The following STON1 variants were observed in gnomAD, a reference collection of about 807,000 sequenced individuals.
The protein encoded by STON1 is stonin-1.
In STON1, 79 loss-of-function variants were observed where a neutral mutation model predicts 60.9. The ratio of observed to expected loss-of-function variants is 1.30; its 90% CI spans 1.08 to 1.56. The LOEUF (loss-of-function observed/expected upper bound fraction) is 1.56. Ranked by LOEUF, STON1 falls within the 40% of genes most tolerant of loss-of-function variation. The pLI is 0.00. For missense variants in STON1, 1,166 were observed against 858.9 expected, an observed-to-expected ratio of 1.36 and a Z score of -4.47; for synonymous variants, 363 against 306.9, an observed-to-expected ratio of 1.18 and a Z score of -1.91.
chr2:48,545,962 A>G (rs1435013580), intron 1 of STON1, among the ~76,000 whole-genome samples: 3 of 152,140 alleles, frequency 2.0e-5, no homozygotes, highest in Non-Finnish European at 2.9e-5. Context: ...CTTTGGGGAA[A>G]TTTCCCCATG....
chr2:48,569,485 A>C (rs892043017), intron 1 of STON1, among the ~76,000 whole-genome samples: 5 of 152,234 alleles, frequency 3.3e-5, no homozygotes, highest in African/African-American at 1.2e-4. Flanking sequence ...TAATTTGTGG[A>C]AAAGTGAAAA....
intron 3 of STON1, among the ~76,000 whole-genome samples, chr2:48,592,287 T>C (rs1674565014): frequency 2.6e-5 from 4 of 152,154 alleles, no homozygotes; most frequent in Admixed American, 2.6e-4. Context: ...TTGTTAAACT[T>C]AGTTAACCCA....
intron 1 of STON1, among the ~76,000 whole-genome samples, chr2:48,564,461 CTTCTTCTTCTTCTTCTTCT>C (rs1672766649): frequency 1.3e-4 from 7 of 54,466 alleles, no homozygotes; most frequent in African/African-American, 4.2e-4. Context: ...TCTTCTTCTT[CTTCTTCTTCTTCTTCTTCT>C]TTCTTCTTCT....
At chr2:48,551,366 A>G (rs1345580979) in intron 1 of STON1, among the ~76,000 whole-genome samples, 1 of 152,188 alleles carries the variant, frequency 6.6e-6, no homozygotes, top group Non-Finnish European at 1.5e-5. Context: ...GGGGTATGCA[A>G]TTGAGCTCAT....
chr2:48,547,361 AGG>A (rs144961705), intron 1 of STON1, among the ~76,000 whole-genome samples: 1,567 of 152,368 alleles, frequency 0.01, 16 homozygotes, highest in African/African-American at 0.021. Context: ...TGTTCATGAC[AGG>A]CCCTTAGCAC....
chr2:48,564,511 T>C (rs1302302011), intron 1 of STON1, among the ~76,000 whole-genome samples: 10 of 31,188 alleles, frequency 3.2e-4, no homozygotes, highest in Non-Finnish European at 4.3e-4. Flanking sequence ...CTTCTTCTTC[T>C]TCTTCTTCTT....
intron 1 of STON1, among the ~76,000 whole-genome samples, chr2:48,538,021 T>G (rs1338263248): frequency 6.6e-6 from 1 of 151,924 alleles, no homozygotes; most frequent in Non-Finnish European, 1.5e-5. Flanking sequence ...TGGCATGATC[T>G]TGGCTCACTG....
chr2:48,536,095 A>C (rs576762016), intron 1 of STON1, among the ~76,000 whole-genome samples: 2 of 151,834 alleles, frequency 1.3e-5, no homozygotes, highest in South Asian at 4.2e-4. Flanking sequence ...TCAAAAAATA[A>C]ATCAAAAAAC....
At chr2:48,587,201 C>T (rs968178042) in intron 2 of STON1, among the ~76,000 whole-genome samples, 9 of 152,342 alleles carry the variant, frequency 5.9e-5, no homozygotes, top group South Asian at 4.1e-4. Context: ...GAACTACTGA[C>T]GTGATCCCCT....
chr2:48,536,753 TACTG>T (rs1242472625), intron 1 of STON1, among the ~76,000 whole-genome samples: 3 of 152,220 alleles, frequency 2.0e-5, no homozygotes, highest in Non-Finnish European at 4.4e-5. Flanking sequence ...ATTCAATTAA[TACTG>T]ACATCTTTAC....
intron 1 of STON1, chr2:48,531,813 A>G (rs1424514088): frequency 6.6e-6 from 1 of 152,234 alleles, no homozygotes; most frequent in Non-Finnish European, 1.5e-5. Flanking sequence ...CCATACAAAC[A>G]ATAAATGTGG....
chr2:48,580,851 C>T lies in STON1; in HGVS notation c.218C>T (p.Pro73Leu). 1.3e-6 allele frequency: 2 copies of T among 1,559,810 alleles called. No homozygotes were observed. The highest frequency in any genetic ancestry group is 2.3e-5 in the East Asian group (1 of 43,914). ...SSPIVDFYFS[P>L]GPPSNSPLST... ...CCCATTGTAGATTTTTATTTCAGTCCAGGACCTCCAAGTAACTCTCCTCTT... is the reference window on the plus strand; with the variant it reads ...CCCATTGTAGATTTTTATTTCAGTCTAGGACCTCCAAGTAACTCTCCTCTT... The change falls in exon 2 of 4, where the codon CCA (proline) becomes CTA (leucine). Residue 73 changes from proline (P) to leucine (L), a missense_variant. Transcript: ENST00000404752.
At chr2:48,576,135 A>C (rs1673482249) in intron 1 of STON1, among the ~76,000 whole-genome samples, 1 of 149,716 alleles carries the variant, frequency 6.7e-6, no homozygotes, top group Non-Finnish European at 1.5e-5. Context: ...GCAACAATGC[A>C]CAAGGGTTCC....
At chr2:48,582,652 G>C in intron 2 of STON1, 89 bp downstream of exon 2, 1 of 1,507,080 alleles carries the variant, frequency 6.6e-7, no homozygotes, top group Non-Finnish European at 8.8e-7. Flanking sequence ...GGTAGAGACA[G>C]ATGGCAATTT....
chr2:48,530,794 C>CG, intron 1 of STON1: 1 of 152,502 alleles, frequency 6.6e-6, no homozygotes. Flanking sequence ...GCCACAGCCG[C>CG]GGGGGCCACC....
chr2:48,532,739 CG>C (rs1671263803), intron 1 of STON1, among the ~76,000 whole-genome samples: 2 of 152,046 alleles, frequency 1.3e-5, no homozygotes, highest in Admixed American at 1.3e-4. Flanking sequence ...ATGAAGGCCA[CG>C]GGGGCCTGGA....
At position 48,584,820 on chromosome 2, in the gene STON1, G is replaced by A. The variant is rs77691526; in HGVS notation, c.1930+2257G>A. On this transcript the variant is annotated intron_variant, in intron 2 of 3. Transcript: ENST00000404752. ...ATTGACTTGAGGGGCAGCACTGCCC[G>A]TACCCTGGAGGCCATGGGACCACCT... Among the ~76,000 whole-genome samples the A allele has an allele frequency of 1.1e-3, 166 of 152,226 alleles. 1 individual carries two copies. The highest frequency in any genetic ancestry group is 9.5e-3 in the East Asian group (49 of 5,166).
chr2:48,536,919 G>T (rs1231600659), intron 1 of STON1, among the ~76,000 whole-genome samples: 5 of 152,036 alleles, frequency 3.3e-5, no homozygotes, highest in Admixed American at 1.3e-4. Context: ...ATATTCTCTA[G>T]TTTACTTGCT....
intron 1 of STON1, among the ~76,000 whole-genome samples, chr2:48,565,663 C>A (rs926682275): frequency 2.0e-5 from 3 of 152,140 alleles, no homozygotes; most frequent in Non-Finnish European, 4.4e-5. Flanking sequence ...GATGGTAAAC[C>A]AAGGTCCAGA....
Sources: allele counts gnomAD v4.1 joint callset (sites outside exome capture counted in the v4.1 genomes callset), GRCh38; gene constraint gnomAD v4.1.1; transcripts MANE v1.5; gene names NCBI Gene and HGNC (gene_info 2026-07-23, HGNC 2026-07-21).